The following DDX4 variants were observed in gnomAD, a reference collection of about 807,000 sequenced individuals.
The protein encoded by DDX4 is probable ATP-dependent RNA helicase DDX4.
DDX4 carries 25 observed loss-of-function variants against 100.0 expected under a neutral mutation model. The observed-to-expected ratio is 0.25, with a 90% CI of 0.18 to 0.35. DDX4 has a LOEUF of 0.35. Ranked by LOEUF, DDX4 falls within the 10% of genes least tolerant of loss-of-function variation. DDX4 has a pLI of 1.00. For synonymous variants in DDX4, 259 were observed against 275.7 expected, an observed-to-expected ratio of 0.94 and a Z score of 0.60; for missense variants, 635 against 882.4, an observed-to-expected ratio of 0.72 and a Z score of 3.55.
At chr5:55,767,777 A>C in intron 6 of DDX4, 104 bp from the exon 7 acceptor site, 7 of 741,226 alleles carry the variant, frequency 9.4e-6, no homozygotes, top group Non-Finnish European at 1.5e-5. Context: ...ACTTATGAAA[A>C]TATTTTGTCT....
chr5:55,775,285 G>A (rs764366791), intron 7 of DDX4, among the ~76,000 whole-genome samples: 7 of 151,992 alleles, frequency 4.6e-5, no homozygotes, highest in Non-Finnish European at 5.9e-5. Flanking sequence ...TCTTCTTTCC[G>A]ACTATTGTAA....
chr5:55,767,788 TCTTA>T, intron 6 of DDX4, 89 bp from the exon 7 acceptor site: 1 of 827,860 alleles, frequency 1.2e-6, no homozygotes, highest in African/African-American at 1.7e-5. Flanking sequence ...TATTTTGTCT[TCTTA>T]CTAATTTATC....
intron 18 of DDX4, among the ~76,000 whole-genome samples, chr5:55,810,333 G>T (rs955295511): frequency 6.6e-6 from 1 of 152,176 alleles, no homozygotes; most frequent in African/African-American, 2.4e-5. Flanking sequence ...TAGAACTCCT[G>T]ACCTCAGGTG....
At chr5:55,770,043 T>C (rs1741160506) in intron 7 of DDX4, among the ~76,000 whole-genome samples, 1 of 152,040 alleles carries the variant, frequency 6.6e-6, no homozygotes, top group Admixed American at 6.5e-5. Context: ...AAGTTTTGTA[T>C]TTTTAGTAGA....
intron 20 of DDX4, 58 bp from the exon 21 acceptor site, chr5:55,815,255 G>T: frequency 6.3e-7 from 1 of 1,594,476 alleles, no homozygotes; most frequent in Non-Finnish European, 8.5e-7. Flanking sequence ...TATATAACAA[G>T]TAAACTTTTC....
rs758602067 is a variant in DDX4 at position 55,739,011 on chromosome 5, C to T, written c.48C>T (p.Ser16=). Residue 16 remains serine, a synonymous_variant, in exon 2 of 22, where the codon TCC becomes TCT. Coordinates refer to ENST00000505374, the MANE Select transcript of DDX4 (RefSeq NM_024415.3). ...CAGAAATCAACCCTCATATGTCTTC[C>T]TATGTTCCCATATTTGAGAAGGTAA... ...WEAEINPHMS[S]YVPIFEKDRY... 12 of 1,598,980 alleles carry T rather than the reference C, an allele frequency of 7.5e-6. No homozygotes were observed. Among genetic ancestry groups the T allele is most frequent in the African/African-American group, 1.3e-5 (1 of 74,438 alleles).
intron 17 of DDX4, among the ~76,000 whole-genome samples, chr5:55,793,117 ATTAAG>A (rs1226066077): frequency 1.3e-5 from 2 of 151,758 alleles, no homozygotes; most frequent in African/African-American, 4.8e-5. Flanking sequence ...TGCTTACTAA[ATTAAG>A]TTATTTTTAT....
At chr5:55,782,801 T>TC (rs201659543) in intron 10 of DDX4, among the ~76,000 whole-genome samples, 46 of 148,720 alleles carry the variant, frequency 3.1e-4, no homozygotes, top group African/African-American at 9.3e-4. Context: ...TTCTTTTCTT[T>TC]TTTTTTTTTT....
intron 17 of DDX4, among the ~76,000 whole-genome samples, chr5:55,794,891 G>C (rs565135153): frequency 7.9e-5 from 12 of 151,412 alleles, no homozygotes; most frequent in African/African-American, 2.9e-4. Flanking sequence ...CCGTTCCCTT[G>C]GCTTCTACTT....
At chr5:55,795,623 A>G (rs1488930468) in intron 17 of DDX4, among the ~76,000 whole-genome samples, 1 of 152,188 alleles carries the variant, frequency 6.6e-6, no homozygotes, top group Non-Finnish European at 1.5e-5. Context: ...CATTTAAAAA[A>G]TTAGCTGGGT....
At chr5:55,739,091 A>G (rs1758844794) in intron 2 of DDX4, 59 bp downstream of exon 2, 1 of 1,040,524 alleles carries the variant, frequency 9.6e-7, no homozygotes, top group African/African-American at 1.6e-5. Flanking sequence ...GTTGAAAATC[A>G]CTGTGGTGAG....
rs554700256 is a variant in DDX4, at chr5:55,803,779, A to G, written c.1615+5208A>G. Among the ~76,000 whole-genome samples the G allele has an allele frequency of 3.4e-3, 524 of 152,154 alleles. 7 individuals carry two copies. Among genetic ancestry groups the G allele is most frequent in the African/African-American group, 0.012 (506 of 41,484 alleles). ...CTTTGCTATTGTGAATAGTGCCTCA[A>G]TAAACATACGTGTGCATGTGTCTTT... On this transcript the variant is annotated intron_variant, in intron 18 of 21. Coordinates refer to ENST00000505374, the MANE Select transcript of DDX4 (RefSeq NM_024415.3).
chr5:55,743,719 C>T lies in DDX4; in HGVS notation c.70-2445C>T, dbSNP rs566618382. Reference sequence around the variant, plus strand: ...TTCTGGAATTACAGGCGTGAGCCACCGCGCCCAACCAGTTAAGCTTTTTTA... The same window carrying T: ...TTCTGGAATTACAGGCGTGAGCCACTGCGCCCAACCAGTTAAGCTTTTTTA... On this transcript the variant is annotated intron_variant, in intron 2 of 21. Coordinates refer to ENST00000505374, the MANE Select transcript of DDX4 (RefSeq NM_024415.3). 7.0e-4 allele frequency among the ~76,000 whole-genome samples: 106 copies of T among 152,232 alleles called. 1 individual carries two copies. The highest frequency in any genetic ancestry group is 1.0e-4 in the Non-Finnish European group (7 of 68,018).
At chr5:55,744,878 CT>C (rs71602907) in intron 2 of DDX4, among the ~76,000 whole-genome samples, 3 of 150,478 alleles carry the variant, frequency 2.0e-5, no homozygotes, top group African/African-American at 7.3e-5. Flanking sequence ...CCTTTTTTTT[CT>C]TTTTTTTTGA....
chr5:55,790,683 T>C lies in DDX4; in HGVS notation c.1280T>C (p.Met427Thr), dbSNP rs752211963. 3 of 1,612,002 alleles carry C rather than the reference T, an allele frequency of 1.9e-6. No homozygotes were observed. Among genetic ancestry groups the C allele is most frequent in the Non-Finnish European group, 1.7e-6 (2 of 1,178,366 alleles). ...TTATGTGCTACTCCTGGAAGACTGA[T>C]GGATATCATAGGCAAAGAAAAGGTA... ...NILCATPGRL[M>T]DIIGKEKIGL... is the part of the protein sequence containing the mutation. The change falls in exon 16 of 22, where the codon ATG becomes ACG. Residue 427 changes from methionine to threonine, a missense_variant. Transcript: ENST00000505374.
At chr5:55,779,594 A>G (rs1308896398) in intron 7 of DDX4, among the ~76,000 whole-genome samples, 4 of 152,196 alleles carry the variant, frequency 2.6e-5, no homozygotes, top group East Asian at 1.9e-4. Context: ...GATGTTTACT[A>G]TATTCTATAT....
chr5:55,783,670 GATGGATGAATGGATGGATGA>G (rs1240493368), intron 10 of DDX4, among the ~76,000 whole-genome samples: 4 of 124,242 alleles, frequency 3.2e-5, no homozygotes, highest in East Asian at 3.8e-4. Flanking sequence ...TGGATGGATG[GATGGATGAATGGATGGATGA>G]ATGGATGGAT....
At position 55,790,631 on chromosome 5, in the gene DDX4, C is replaced by G. The variant is rs371844042; in HGVS notation, c.1228C>G (p.Arg410Gly). ...YGGTQLGHSI[R>G]QIVQGCNILC... ...GGGAACCCAGCTGGGACATTCAATT[C>G]GACAAATAGTACAAGGCTGTAATAT... The change falls in exon 16 of 22, where the codon CGA (arginine) becomes GGA (glycine). Residue 410 changes from arginine (R) to glycine (G), a missense_variant. This residue lies in a region of DDX4 where 446 missense variants were observed against 540.8 expected (regional missense o/e 0.82). Transcript: ENST00000505374. 18 of 1,606,240 alleles carry G rather than the reference C, an allele frequency of 1.1e-5. No individual in the cohort carries two copies. The highest frequency in any genetic ancestry group is 1.4e-5 in the Non-Finnish European group (17 of 1,173,154).
chr5:55,776,374 A>G (rs1239104798), intron 7 of DDX4, among the ~76,000 whole-genome samples: 1 of 152,196 alleles, frequency 6.6e-6, no homozygotes, highest in Admixed American at 6.5e-5. Context: ...GGAGGAGGAC[A>G]GGAAAGAAGA....
Sources: allele counts gnomAD v4.1 joint callset (sites outside exome capture counted in the v4.1 genomes callset), GRCh38; gene constraint gnomAD v4.1.1; regional missense constraint gnomAD v4.1.1; transcripts MANE v1.5; gene names NCBI Gene and HGNC (gene_info 2026-07-23, HGNC 2026-07-21).